Variants in UNC5D observed in about 807,000 individuals in gnomAD.
UNC5D encodes netrin receptor UNC5D.
UNC5D carries 39 observed loss-of-function variants against 105.4 expected under a neutral mutation model. The ratio of observed to expected loss-of-function variants is 0.37; its 90% confidence interval spans 0.29 to 0.48. The LOEUF (loss-of-function observed/expected upper bound fraction) is 0.48, where lower values mean the gene tolerates loss of function less well. Ranked by LOEUF, UNC5D falls within the 20% of genes least tolerant of loss-of-function variation. The pLI is 0.98. For synonymous variants in UNC5D, 452 were observed against 450.4 expected (o/e 1.00, Z -0.04); for missense variants, 991 against 1,202.4 (o/e 0.82, Z 2.60).
At chr8:35,686,509 C>T in intron 6 of UNC5D, 36 bp from the exon 7 acceptor site, 1 of 1,521,128 alleles carries the variant, frequency 6.6e-7, no homozygotes, top group East Asian at 2.5e-5. Context: ...CTACTTGATT[C>T]ATTCTAACAA....
chr8:35,496,112 C>G (rs191795892), intron 1 of UNC5D, among the ~76,000 whole-genome samples: 1 of 152,142 alleles, frequency 6.6e-6, no homozygotes, highest in Non-Finnish European at 1.5e-5. Context: ...AGGGTTCAGT[C>G]TAAACTGCTT....
intron 9 of UNC5D, among the ~76,000 whole-genome samples, chr8:35,723,575 T>C (rs867610424): frequency 2.0e-5 from 3 of 151,956 alleles, no homozygotes; most frequent in African/African-American, 7.3e-5. Context: ...TTTTGTTTTA[T>C]TTTTATTTTT....
chr8:35,602,445 G>A (rs1819953374), intron 4 of UNC5D, among the ~76,000 whole-genome samples: 1 of 152,164 alleles, frequency 6.6e-6, no homozygotes, highest in Admixed American at 6.5e-5. Flanking sequence ...TTTTTTGGTT[G>A]GTAAGCTATT....
intron 7 of UNC5D, among the ~76,000 whole-genome samples, chr8:35,688,874 C>A (rs1234215004): frequency 6.6e-6 from 1 of 152,160 alleles, no homozygotes; most frequent in Non-Finnish European, 1.5e-5. Context: ...TTGTTTAAAG[C>A]AACTACCTGA....
intron 16 of UNC5D, among the ~76,000 whole-genome samples, chr8:35,788,509 C>G (rs1477589150): frequency 6.6e-6 from 1 of 152,050 alleles, no homozygotes; most frequent in South Asian, 2.1e-4. Context: ...TAAAGCTTAC[C>G]ATGCTTTTAC....
chr8:35,528,192 C>T (rs1396565358), intron 1 of UNC5D, among the ~76,000 whole-genome samples: 2 of 151,230 alleles, frequency 1.3e-5, no homozygotes, highest in African/African-American at 2.4e-5. Context: ...GCTATCCCTC[C>T]CCGCTCCCCC....
At chr8:35,279,492 G>A (rs2128847339) in intron 1 of UNC5D, among the ~76,000 whole-genome samples, 1 of 152,288 alleles carries the variant, frequency 6.6e-6, no homozygotes, top group South Asian at 2.1e-4. Flanking sequence ...CTGACCCTTT[G>A]CAATGAAGAG....
chr8:35,629,148 C>T (rs1238404580), intron 4 of UNC5D, among the ~76,000 whole-genome samples: 1 of 152,158 alleles, frequency 6.6e-6, no homozygotes, highest in Non-Finnish European at 1.5e-5. Context: ...TAAATAATGG[C>T]AGCAATGTTT....
chr8:35,631,263 G>A (rs901737703), intron 4 of UNC5D, among the ~76,000 whole-genome samples: 5 of 150,828 alleles, frequency 3.3e-5, no homozygotes, highest in Non-Finnish European at 7.4e-5. Flanking sequence ...TCAGTGAGCC[G>A]AGATCATGCC....
chr8:35,323,328 A>C (rs1033018587), intron 1 of UNC5D, among the ~76,000 whole-genome samples: 1 of 151,702 alleles, frequency 6.6e-6, no homozygotes, highest in South Asian at 2.1e-4. Context: ...TGGCTACCTA[A>C]TTGGTGTCTT....
chr8:35,514,469 C>T (rs1047698445), intron 1 of UNC5D, among the ~76,000 whole-genome samples: 1 of 152,298 alleles, frequency 6.6e-6, no homozygotes, highest in Non-Finnish European at 1.5e-5. Context: ...CAAAGCCCAG[C>T]GCATTTCTAG....
In UNC5D at chr8:35,705,917, TCTTTC is replaced by T. The variant is rs1827548757; in HGVS notation, c.1085-11_1085-7del. The T allele has an allele frequency of 7.5e-7, 1 of 1,325,966 alleles. No individual in the cohort carries two copies. Among genetic ancestry groups the T allele is most frequent in the East Asian group, 2.5e-5 (1 of 40,742 alleles). 82.1% of individuals were successfully genotyped at this position (1,325,966 alleles called of 1,614,324 possible). A position where few individuals can be genotyped will look rare whatever the true frequency, so the allele number is the denominator to read the frequency against. ...AAATGCAACTTTCTTTTTCTTTCTT[TCTTTC>T]TTTTAGATAAAAAACCTCTTCATGA... On this transcript the variant is annotated splice_region_variant and splice_polypyrimidine_tract_variant and intron_variant, in intron 7 of 16. Transcript: ENST00000404895.
chr8:35,436,083 T>C (rs1046639554), intron 1 of UNC5D, among the ~76,000 whole-genome samples: 2 of 152,096 alleles, frequency 1.3e-5, no homozygotes, highest in Admixed American at 6.6e-5. Flanking sequence ...AAATAGATTA[T>C]TCTGTGACTT....
rs1049249219 is a variant in UNC5D, at chr8:35,793,222, A to G, written c.*2659A>G. On this transcript the variant is annotated 3_prime_UTR_variant, in exon 17 of 17. Coordinates refer to ENST00000404895, the MANE Select transcript of UNC5D (RefSeq NM_080872.4). ...GGATTGCACAGTATGTTACAATACA[A>G]TTTCAAAGAGAACCCACATTTGTGA... The G allele has an allele frequency of 2.5e-5, 11 of 438,416 alleles. No individual in the cohort carries two copies. The highest frequency in any genetic ancestry group is 2.2e-4 in the African/African-American group (11 of 49,300). The allele number at this position is 438,416 out of a possible 1,614,324, so 27.2% of individuals were successfully genotyped here.
intron 1 of UNC5D, among the ~76,000 whole-genome samples, chr8:35,352,411 T>C (rs1456171743): frequency 6.6e-6 from 1 of 152,128 alleles, no homozygotes; most frequent in Non-Finnish European, 1.5e-5. Flanking sequence ...ATTGCACATG[T>C]GATTTTAAGA....
intron 2 of UNC5D, among the ~76,000 whole-genome samples, chr8:35,559,250 A>G (rs900925389): frequency 6.6e-6 from 1 of 152,184 alleles, no homozygotes; most frequent in South Asian, 2.1e-4. Context: ...AAACCATTCT[A>G]CCAAAACCTA....
chr8:35,414,928 G>T (rs780874064), intron 1 of UNC5D, among the ~76,000 whole-genome samples: 2 of 152,026 alleles, frequency 1.3e-5, no homozygotes, highest in Non-Finnish European at 2.9e-5. Context: ...TTGTCATTTA[G>T]TAAGAAATAT....
chr8:35,342,523 G>T (rs1478481630), intron 1 of UNC5D, among the ~76,000 whole-genome samples: 1 of 152,092 alleles, frequency 6.6e-6, no homozygotes, highest in Admixed American at 6.5e-5. Flanking sequence ...GATCTTAGAA[G>T]TTGCTTGTAC....
intron 4 of UNC5D, among the ~76,000 whole-genome samples, chr8:35,617,469 T>TAA (rs1224554074): frequency 1.3e-5 from 2 of 152,184 alleles, no homozygotes; most frequent in Non-Finnish European, 2.9e-5. Flanking sequence ...CTGTAACTGC[T>TAA]AAAAGAATCC....
Sources: gnomAD v4.1 joint callset for allele counts (sites outside exome capture counted in the v4.1 genomes callset) on GRCh38, gnomAD v4.1.1 for gene constraint, MANE v1.5 for transcripts, NCBI Gene and HGNC (gene_info 2026-07-23, HGNC 2026-07-21) for gene names.